The following BCKDHB variants were observed in gnomAD, a reference collection of about 807,000 sequenced individuals.
BCKDHB encodes the protein branched chain keto acid dehydrogenase E1 subunit beta.
Under a neutral mutation model 48.5 loss-of-function variants are expected in BCKDHB, and 41 were observed. The observed-to-expected ratio is 0.85, with a 90% CI of 0.66 to 1.10. The LOEUF is 1.10. Among genes scored for constraint, BCKDHB ranks in the 50% least tolerant of loss-of-function variants. BCKDHB has a pLI of 0.00. For missense variants in BCKDHB, 496 were observed against 494.2 expected (o/e 1.00, Z -0.03); for synonymous variants, 201 against 174.8 (o/e 1.15, Z -1.18).
intron 6 of BCKDHB, among the ~76,000 whole-genome samples, chr6:80,180,620 A>G (rs932530342): frequency 6.6e-6 from 1 of 152,172 alleles, no homozygotes; most frequent in Non-Finnish European, 1.5e-5. Flanking sequence ...GGATTTCTGG[A>G]TAATCCAAAA....
intron 8 of BCKDHB, among the ~76,000 whole-genome samples, chr6:80,248,799 G>A (rs1776717194): frequency 6.6e-6 from 1 of 152,116 alleles, no homozygotes; most frequent in African/African-American, 2.4e-5. Context: ...CCAAGGGAGT[G>A]AATGAAAGAG....
intron 3 of BCKDHB, among the ~76,000 whole-genome samples, chr6:80,157,435 G>C (rs113876313): frequency 6.7e-6 from 1 of 149,896 alleles, no homozygotes; most frequent in Non-Finnish European, 1.5e-5. Flanking sequence ...GATTGTTCTA[G>C]GCACTGGAGA....
chr6:80,235,914 A>G (rs368448295), intron 8 of BCKDHB, among the ~76,000 whole-genome samples: 8 of 152,294 alleles, frequency 5.3e-5, no homozygotes, highest in South Asian at 2.1e-4. Flanking sequence ...TCAGATGGGA[A>G]TGGCTCTCAT....
chr6:80,124,723 A>G (rs1310568112), intron 1 of BCKDHB, among the ~76,000 whole-genome samples: 1 of 152,164 alleles, frequency 6.6e-6, no homozygotes, highest in Non-Finnish European at 1.5e-5. Context: ...ACCAAGGCGC[A>G]TTGTCAATGA....
At chr6:80,380,854 GC>G in the BCKDHB span, among the ~76,000 whole-genome samples, 1 of 151,858 alleles carries the variant, frequency 6.6e-6, no homozygotes, top group South Asian at 2.1e-4. Context: ...ATTTTTTGTT[GC>G]AAGAATATAG....
chr6:80,364,511 A>G, the BCKDHB span, among the ~76,000 whole-genome samples: 3 of 152,206 alleles, frequency 2.0e-5, no homozygotes, highest in Admixed American at 1.3e-4. Context: ...GTTTCGAAGT[A>G]ATTTTGAGAC....
chr6:80,155,315 G>C (rs1303372967), intron 3 of BCKDHB, among the ~76,000 whole-genome samples: 1 of 152,090 alleles, frequency 6.6e-6, no homozygotes, highest in Non-Finnish European at 1.5e-5. Flanking sequence ...TTTTGTATTT[G>C]TGGCTGTGGT....
chr6:80,142,161 C>T lies in BCKDHB; in HGVS notation c.343+12932C>T, dbSNP rs74801247. On this transcript the variant is annotated intron_variant, in intron 3 of 9. Coordinates refer to ENST00000320393, the MANE Select transcript of BCKDHB (RefSeq NM_183050.4). ...GCCTGTTCTTTTGCTTTAAACTTCC[C>T]ATTTCAACCATAGATCTTGAGGAAA... Among the ~76,000 whole-genome samples the T allele has an allele frequency of 9.4e-3, 1,422 of 152,068 alleles. 30 individuals carry two copies. The highest frequency in any genetic ancestry group is 0.033 in the African/African-American group (1,353 of 41,512).
chr6:80,262,968 G>A (rs1327962856), intron 8 of BCKDHB, among the ~76,000 whole-genome samples: 4 of 152,110 alleles, frequency 2.6e-5, no homozygotes, highest in South Asian at 4.1e-4. Flanking sequence ...GGAATGGATT[G>A]TTGATATTTT....
At chr6:80,145,360 G>A (rs1771430003) in intron 3 of BCKDHB, among the ~76,000 whole-genome samples, 1 of 152,120 alleles carries the variant, frequency 6.6e-6, no homozygotes. Flanking sequence ...ATGGATCAGT[G>A]GTCCTTGCCT....
chr6:80,314,019 A>T (rs1768305696), intron 9 of BCKDHB, among the ~76,000 whole-genome samples: 1 of 152,020 alleles, frequency 6.6e-6, no homozygotes, highest in Admixed American at 6.6e-5. Flanking sequence ...CCTTAATTTC[A>T]TTATTTACCC....
At chr6:80,140,517 T>C (rs1771144208) in intron 3 of BCKDHB, among the ~76,000 whole-genome samples, 1 of 152,170 alleles carries the variant, frequency 6.6e-6, no homozygotes, top group African/African-American at 2.4e-5. Context: ...GCATGAAGGG[T>C]TGTTGAATTT....
At chr6:80,359,629 C>G in the BCKDHB span, among the ~76,000 whole-genome samples, 7,640 of 152,260 alleles carry the variant, frequency 0.05, 216 homozygotes, top group East Asian at 0.11. Context: ...GAGTCTCCCT[C>G]TGTCGCCAAG....
intron 8 of BCKDHB, among the ~76,000 whole-genome samples, chr6:80,239,737 T>A (rs1776301235): frequency 6.6e-6 from 1 of 152,232 alleles, no homozygotes; most frequent in Non-Finnish European, 1.5e-5. Context: ...TGGTTTTAGG[T>A]CTAACATTTA....
At chr6:80,416,511 G>A in the BCKDHB span, among the ~76,000 whole-genome samples, 1 of 151,786 alleles carries the variant, frequency 6.6e-6, no homozygotes, top group African/African-American at 2.4e-5. Flanking sequence ...AGAGCTTCTT[G>A]ATTTCTGCTT....
At chr6:80,145,601 T>G (rs1012250897) in intron 3 of BCKDHB, among the ~76,000 whole-genome samples, 8 of 152,120 alleles carry the variant, frequency 5.3e-5, no homozygotes, top group African/African-American at 1.9e-4. Context: ...GTTGGGTCAG[T>G]TTTATAGTTT....
chr6:80,153,365 TAGAG>T (rs1009952966), intron 3 of BCKDHB, among the ~76,000 whole-genome samples: 1 of 152,092 alleles, frequency 6.6e-6, no homozygotes, highest in South Asian at 2.1e-4. Context: ...TCATCCCAGA[TAGAG>T]AGATAATGCT....
intron 9 of BCKDHB, among the ~76,000 whole-genome samples, chr6:80,342,777 A>G (rs1769984783): frequency 6.6e-6 from 1 of 152,118 alleles, no homozygotes; most frequent in Non-Finnish European, 1.5e-5. Flanking sequence ...CGAGAGAGTG[A>G]GACCCTATTT....
chr6:80,463,192 A>G, the BCKDHB span: 150 of 152,318 alleles, frequency 9.8e-4, 2 homozygotes, highest in East Asian at 0.024. Context: ...TTAAATAGAC[A>G]TTTTGTTTAA....
Sources: gnomAD v4.1 joint callset for allele counts (sites outside exome capture counted in the v4.1 genomes callset) on GRCh38, gnomAD v4.1.1 for gene constraint, MANE v1.5 for transcripts, NCBI Gene and HGNC (gene_info 2026-07-23, HGNC 2026-07-21) for gene names.